TEX9: variants seen among roughly 807,000 people sequenced by gnomAD.
The protein encoded by TEX9 is testis expressed 9, also known as testis-expressed protein 9.
TEX9 carries 74 observed loss-of-function variants against 59.6 expected under a neutral mutation model. The observed-to-expected ratio is 1.24, with a 90% CI of 1.03 to 1.51. The LOEUF (loss-of-function observed/expected upper bound fraction) is 1.51, where lower values mean the gene tolerates loss of function less well. TEX9 is among the 40% of genes most tolerant of loss of function. The probability of loss-of-function intolerance (pLI) is 0.00; values close to 1 mark genes in which losing one functional copy is unlikely to be tolerated. For synonymous variants in TEX9, 186 were observed against 152.2 expected (o/e 1.22, Z -1.64); for missense variants, 522 against 447.8 (o/e 1.17, Z -1.49).
At chr15:56,460,009 A>AAAAAAAAAAAAAAATATATATAT in the TEX9 span, among the ~76,000 whole-genome samples, 1 of 26,388 alleles carries the variant, frequency 3.8e-5, no homozygotes, top group Admixed American at 5.6e-4. Flanking sequence ...AAAAAAAAAA[A>AAAAAAAAAAAAAAATATATATAT]ATACATATAT....
At chr15:56,446,289 A>G (rs1238389499), downstream of TEX9, among the ~76,000 whole-genome samples, 2 of 151,900 alleles carry the variant, frequency 1.3e-5, no homozygotes, top group African/African-American at 4.8e-5. Flanking sequence ...AATTCAGTAA[A>G]CCCTATTATA....
chr15:56,383,109 A>T (rs1196164222), intron 3 of TEX9, among the ~76,000 whole-genome samples: 1 of 152,202 alleles, frequency 6.6e-6, no homozygotes, highest in African/African-American at 2.4e-5. Context: ...GCTGGTCCAG[A>T]TGCTTCCTCC....
chr15:56,317,012 C>T (rs1442761582), intron 1 of TEX9, among the ~76,000 whole-genome samples: 5 of 152,328 alleles, frequency 3.3e-5, no homozygotes, highest in Non-Finnish European at 4.4e-5. Context: ...CTTCTGCTCG[C>T]GCAGGGTGCG....
At chr15:56,272,098 C>G (rs570086657) in intron 1 of TEX9, among the ~76,000 whole-genome samples, 3 of 151,536 alleles carry the variant, frequency 2.0e-5, no homozygotes, top group African/African-American at 7.3e-5. Flanking sequence ...GAGCTGAGAT[C>G]GCGCCACTGC....
chr15:56,320,961 C>T (rs1378590691), intron 1 of TEX9, among the ~76,000 whole-genome samples: 4 of 152,142 alleles, frequency 2.6e-5, no homozygotes, highest in Non-Finnish European at 4.4e-5. Context: ...GCCTAAGCCA[C>T]GTTGTGAATC....
intron 3 of TEX9, among the ~76,000 whole-genome samples, chr15:56,376,823 G>T (rs554952249): frequency 6.6e-6 from 1 of 152,090 alleles, no homozygotes; most frequent in African/African-American, 2.4e-5. Flanking sequence ...AGAAATCTTT[G>T]TCTACTCCAA....
In TEX9 at chr15:56,438,514, C is replaced by T. The variant is rs563207808; in HGVS notation, c.*30-7157C>T. 3.9e-5 allele frequency among the ~76,000 whole-genome samples: 6 copies of T among 152,116 alleles called. No individual in the cohort carries two copies. The South Asian group carries it at 8.3e-4, about 21-fold the overall frequency. On this transcript the variant is annotated intron_variant, in intron 12 of 12. Transcript: ENST00000352903. Reference sequence around the variant, plus strand: ...TAATTCAGGATGGATTAAAGACTTACATGTTAGACCTAAAACCATAAAAAC... The same window carrying T: ...TAATTCAGGATGGATTAAAGACTTATATGTTAGACCTAAAACCATAAAAAC...
rs557662857 is a variant in TEX9, at chr15:56,267,907, A to G, written c.-107+23629A>G. ...GATGGGGATGGCATTGAATCTATAA[A>G]TTACCTTAAACAGTATGGCCATTTT... On this transcript the variant is annotated intron_variant, in intron 1 of 5. Coordinates refer to the TEX9 transcript ENST00000560827. Among the ~76,000 whole-genome samples, 3 of 152,292 alleles carry G rather than the reference A, an allele frequency of 2.0e-5. No homozygotes were observed. In the South Asian group the frequency reaches 6.2e-4, roughly 32 times the overall value.
intron 1 of TEX9, among the ~76,000 whole-genome samples, chr15:56,296,421 T>G (rs2045220189): frequency 6.6e-6 from 1 of 152,232 alleles, no homozygotes; most frequent in Non-Finnish European, 1.5e-5. Context: ...TGTTTCAGCA[T>G]TATTTAAAGC....
chr15:56,407,266 T>G (rs1245982881), intron 9 of TEX9, among the ~76,000 whole-genome samples: 2 of 152,182 alleles, frequency 1.3e-5, no homozygotes, highest in African/African-American at 2.4e-5. Context: ...TGTATGGGTC[T>G]TCTTTGAACT....
At chr15:56,265,555 G>GT (rs2044361278) in intron 1 of TEX9, among the ~76,000 whole-genome samples, 1 of 151,886 alleles carries the variant, frequency 6.6e-6, no homozygotes, top group South Asian at 2.1e-4. Flanking sequence ...TTGATATGAT[G>GT]TTTTTTCATG....
At chr15:56,407,514 GTTTATTATA>G (rs1180296873) in intron 9 of TEX9, among the ~76,000 whole-genome samples, 1 of 152,006 alleles carries the variant, frequency 6.6e-6, no homozygotes, top group African/African-American at 2.4e-5. Flanking sequence ...CTTGTATTAT[GTTTATTATA>G]TTTATAATAC....
At chr15:56,275,045 C>T (rs1434776518) in intron 1 of TEX9, among the ~76,000 whole-genome samples, 1 of 152,202 alleles carries the variant, frequency 6.6e-6, no homozygotes, top group Non-Finnish European at 1.5e-5. Flanking sequence ...GGGGAATTCC[C>T]TGTTGTCTTA....
intron 1 of TEX9, among the ~76,000 whole-genome samples, chr15:56,269,415 G>C (rs2044469263): frequency 6.6e-6 from 1 of 151,986 alleles, no homozygotes; most frequent in Non-Finnish European, 1.5e-5. Context: ...TGTGATGTTA[G>C]GGTGTCGATT....
intron 1 of TEX9, among the ~76,000 whole-genome samples, chr15:56,312,227 T>C (rs879350177): frequency 0.017 from 2,336 of 139,908 alleles, 22 homozygotes; most frequent in Admixed American, 0.032. Flanking sequence ...CCCATGCCTA[T>C]GTCCTGAATG....
chr15:56,266,659 T>C (rs926148453), intron 1 of TEX9, among the ~76,000 whole-genome samples: 1 of 152,206 alleles, frequency 6.6e-6, no homozygotes, highest in African/African-American at 2.4e-5. Flanking sequence ...CATGAAGTCA[T>C]CCTTTTTTAT....
intron 2 of TEX9, among the ~76,000 whole-genome samples, chr15:56,372,876 G>C (rs1198351624): frequency 6.6e-6 from 1 of 152,006 alleles, no homozygotes; most frequent in Non-Finnish European, 1.5e-5. Context: ...ATTAAAAAAG[G>C]AGTGACAGGT....
At chr15:56,365,375 G>T (rs1297536475), upstream of TEX9, 3 of 1,550,412 alleles carry the variant, frequency 1.9e-6, no homozygotes, top group South Asian at 1.3e-5. Context: ...GCGCCCGGGC[G>T]GGAGGCAACC....
intron 3 of TEX9, 60 bp from the exon 4 acceptor site, chr15:56,383,892 A>G: frequency 7.9e-7 from 1 of 1,269,140 alleles, no homozygotes; most frequent in Non-Finnish European, 1.1e-6. Flanking sequence ...GCACTTGAAT[A>G]TATCTTAATG....
Sources: allele counts gnomAD v4.1 joint callset (sites outside exome capture counted in the v4.1 genomes callset), GRCh38; gene constraint gnomAD v4.1.1; transcripts MANE v1.5; gene names NCBI Gene and HGNC (gene_info 2026-07-23, HGNC 2026-07-21).